EGR3: variants seen among roughly 807,000 people sequenced by gnomAD.
EGR3 encodes early growth response 3, also known as early growth response protein 3.
A neutral mutation model predicts 22.4 loss-of-function variants in EGR3; 4 were observed. The ratio of observed to expected loss-of-function variants is 0.18; its 90% confidence interval spans 0.09 to 0.41. The LOEUF is 0.41. Among genes scored for constraint, EGR3 ranks in the 10% least tolerant of loss-of-function variants. EGR3 has a pLI of 1.00. For missense variants in EGR3, 315 were observed against 541.3 expected, an observed-to-expected ratio of 0.58 and a Z score of 4.15; for synonymous variants, 219 against 226.8, an observed-to-expected ratio of 0.97 and a Z score of 0.31.
Position 22,692,055 on chromosome 8 carries a change from C to G in EGR3, c.155-573G>C, listed in dbSNP as rs1803986702. On this transcript the variant is annotated intron_variant, in intron 1 of 1. Coordinates refer to ENST00000317216, the MANE Select transcript of EGR3 (RefSeq NM_004430.3). The surrounding 1 kb of genome is among the most constrained non-coding windows in gnomAD (Gnocchi z 6.2). ...TCACCTACCCCGGCCCCAGCCTCCT[C>G]GGGCATGAAGGAGCTTTAGGCTCTT... 9 of 1,317,502 alleles carry G rather than the reference C, an allele frequency of 6.8e-6. No individual in the cohort carries two copies. Among genetic ancestry groups the G allele is most frequent in the African/African-American group, 1.5e-5 (1 of 64,940 alleles). 81.6% of individuals were successfully genotyped at this position (1,317,502 alleles called of 1,614,324 possible).
At position 22,693,143 on chromosome 8, in the gene EGR3, G is replaced by T. The variant is rs1398714399; in HGVS notation, c.-199C>A. 5 of 746,916 alleles carry T rather than the reference G, an allele frequency of 6.7e-6. No homozygotes were observed. In the East Asian group the frequency reaches 1.9e-4, roughly 28 times the overall value. 46.3% of individuals were successfully genotyped at this position (746,916 alleles called of 1,614,324 possible). A position where few individuals can be genotyped will look rare whatever the true frequency, so the allele number is the denominator to read the frequency against. On this transcript the variant is annotated 5_prime_UTR_variant, in exon 1 of 2. Transcript: ENST00000317216. Reference sequence around the variant, plus strand: ...GAGGGGATCTTCTCTTTTTTGGGGGGCGGGAGAGGGCCCCAGGGGGTAATC... The same window carrying T: ...GAGGGGATCTTCTCTTTTTTGGGGGTCGGGAGAGGGCCCCAGGGGGTAATC...
rs1803850633 is a variant in EGR3, at chr8:22,688,886, GAGA to G, written c.*1584_*1586del. 3 of 152,690 alleles carry G rather than the reference GAGA, an allele frequency of 2.0e-5. No homozygotes were observed. The highest frequency in any genetic ancestry group is 7.2e-5 in the African/African-American group (3 of 41,464). 9.5% of individuals were successfully genotyped at this position (152,690 alleles called of 1,614,324 possible). A position where few individuals can be genotyped will look rare whatever the true frequency, so the allele number is the denominator to read the frequency against. ...CTGAGAAGAGGTGAGGTAGGGTGGG[GAGA>G]AGGTGAGACTGGGTATGGAAAGGAG... On this transcript the variant is annotated 3_prime_UTR_variant, in exon 2 of 2. Coordinates refer to ENST00000317216, the MANE Select transcript of EGR3 (RefSeq NM_004430.3).
intron 1 of EGR3, chr8:22,691,873 G>C (rs1461894368): frequency 4.1e-6 from 4 of 985,230 alleles, no homozygotes; most frequent in Non-Finnish European, 4.8e-6. Flanking sequence ...CACACAACTC[G>C]GCCTCTTCCC....
Position 22,692,267 on chromosome 8 carries a change from TTGC to T in EGR3, c.154+521_154+523del. 2 of 1,507,202 alleles carry T rather than the reference TTGC, an allele frequency of 1.3e-6. No homozygotes were observed. The highest frequency in any genetic ancestry group is 1.8e-6 in the Non-Finnish European group (2 of 1,133,858). 93.4% of individuals were successfully genotyped at this position (1,507,202 alleles called of 1,614,324 possible). A position where few individuals can be genotyped will look rare whatever the true frequency, so the allele number is the denominator to read the frequency against. On this transcript the variant is annotated intron_variant, in intron 1 of 1. Transcript: ENST00000317216. This position sits in a 1 kb window ranked among gnomAD's most constrained non-coding sequence, Gnocchi z 6.2. ...CCGCCGTCCCCACACCCCCACGGCTTTGCTGAACGCCCCGGAAAGGCAGCGTCG... is the reference window on the plus strand; with the variant it reads ...CCGCCGTCCCCACACCCCCACGGCTTTGAACGCCCCGGAAAGGCAGCGTCG...
In EGR3 at chr8:22,692,664, TCCAC is replaced by T. The variant is rs1433734161; in HGVS notation, c.154+123_154+126del. Reference sequence around the variant, plus strand: ...CCCCATCTCTCCATCCATTTATCTATCCACCCATCCACCCATCCATCCATCCATC... The same window carrying T: ...CCCCATCTCTCCATCCATTTATCTATCCATCCACCCATCCATCCATCCATC... On this transcript the variant is annotated intron_variant, in intron 1 of 1. Coordinates refer to ENST00000317216, the MANE Select transcript of EGR3 (RefSeq NM_004430.3). The surrounding 1 kb of genome is among the most constrained non-coding windows in gnomAD (Gnocchi z 6.2). The T allele has an allele frequency of 1.6e-4, 227 of 1,431,372 alleles. 4 individuals are homozygous for T. In the South Asian group the frequency reaches 2.4e-3, roughly 15 times the overall value. 88.7% of individuals were successfully genotyped at this position (1,431,372 alleles called of 1,614,324 possible). A position where few individuals can be genotyped will look rare whatever the true frequency, so the allele number is the denominator to read the frequency against.
rs1269062858 is a variant in EGR3, at chr8:22,689,662, A to T, written c.*811T>A. On this transcript the variant is annotated 3_prime_UTR_variant, in exon 2 of 2. Coordinates refer to ENST00000317216, the MANE Select transcript of EGR3 (RefSeq NM_004430.3). ...AGATCAAACTGCCCTGAGGCCTAAG[A>T]GGGAAGCGCTCAGAAAAGGAGGGGT... 1 of 152,596 alleles carries T rather than the reference A, an allele frequency of 6.6e-6. No homozygotes were observed. Among genetic ancestry groups the T allele is most frequent in the Non-Finnish European group, 1.5e-5 (1 of 68,050 alleles). The allele number at this position is 152,596 out of a possible 1,614,324, so 9.5% of individuals were successfully genotyped here.
Position 22,690,445 on chromosome 8 carries a change from GA to G in EGR3, c.*27del, listed in dbSNP as rs2128744752. 2.5e-6 allele frequency: 4 copies of G among 1,570,096 alleles called. No homozygotes were observed. The highest frequency in any genetic ancestry group is 2.6e-6 in the Non-Finnish European group (3 of 1,155,942). Reference sequence around the variant, plus strand: ...CTAGCAGCCGGGAGGCACTGGAGGGGAAAAGTGGGGATCTGGGGGCCCGATC... The same window carrying G: ...CTAGCAGCCGGGAGGCACTGGAGGGGAAAGTGGGGATCTGGGGGCCCGATC... On this transcript the variant is annotated 3_prime_UTR_variant, in exon 2 of 2. Coordinates refer to ENST00000317216, the MANE Select transcript of EGR3 (RefSeq NM_004430.3).
intron 1 of EGR3, chr8:22,691,845 G>T (rs1803975724): frequency 1.0e-6 from 1 of 985,242 alleles, no homozygotes; most frequent in South Asian, 4.7e-5. Context: ...GAGCGCGCTG[G>T]GCTCTCGCTC....
In EGR3 at chr8:22,687,842, T is replaced by C. The variant is rs1319079590; in HGVS notation, c.*2631A>G. Reference sequence around the variant, plus strand: ...AAAAATGCTGTTTTCATTAACTATATTATATTGGCATTACAATATGACAAA... The same window carrying C: ...AAAAATGCTGTTTTCATTAACTATACTATATTGGCATTACAATATGACAAA... On this transcript the variant is annotated 3_prime_UTR_variant, in exon 2 of 2. Coordinates refer to ENST00000317216, the MANE Select transcript of EGR3 (RefSeq NM_004430.3). The surrounding 1 kb of genome is among the most constrained non-coding windows in gnomAD (Gnocchi z 4.7). 1 of 152,684 alleles carries C rather than the reference T, an allele frequency of 6.5e-6. No homozygotes were observed. Among genetic ancestry groups the C allele is most frequent in the Non-Finnish European group, 1.5e-5 (1 of 68,052 alleles). The allele number at this position is 152,684 out of a possible 1,614,324, so 9.5% of individuals were successfully genotyped here.
In EGR3 at chr8:22,690,416, C is replaced by T; in HGVS notation, c.*57G>A. On this transcript the variant is annotated 3_prime_UTR_variant, in exon 2 of 2. Transcript: ENST00000317216. ...CCGTGGCTGGCTTTCCCGCTGCTTT[C>T]AGGCTAGCAGCCGGGAGGCACTGGA... 1.4e-6 allele frequency: 2 copies of T among 1,441,154 alleles called. No individual in the cohort carries two copies. The highest frequency in any genetic ancestry group is 1.9e-6 in the Non-Finnish European group (2 of 1,063,664). The allele number at this position is 1,441,154 out of a possible 1,614,324, so 89.3% of individuals were successfully genotyped here.
At position 22,693,302 on chromosome 8, in the gene EGR3, C is replaced by T. The variant is rs1443215615; in HGVS notation, c.-358G>A. Reference sequence around the variant, plus strand: ...GGTCGGACGCGGCCTCAGTATTGATCTCACAAACAGACACGCGCCCGCCGC... The same window carrying T: ...GGTCGGACGCGGCCTCAGTATTGATTTCACAAACAGACACGCGCCCGCCGC... On this transcript the variant is annotated 5_prime_UTR_variant, in exon 1 of 2. Transcript: ENST00000317216. 1 of 150,760 alleles carries T rather than the reference C, an allele frequency of 6.6e-6. No homozygotes were observed. Among genetic ancestry groups the T allele is most frequent in the East Asian group, 2.0e-4 (1 of 4,966 alleles). 9.3% of individuals were successfully genotyped at this position (150,760 alleles called of 1,614,324 possible).
Position 22,690,358 on chromosome 8 carries a change from C to G in EGR3, c.*115G>C. 1.2e-6 allele frequency: 1 copy of G among 840,482 alleles called. No homozygotes were observed. Among genetic ancestry groups the G allele is most frequent in the Non-Finnish European group, 1.8e-6 (1 of 553,184 alleles). The allele number at this position is 840,482 out of a possible 1,614,324, so 52.1% of individuals were successfully genotyped here. Reference sequence around the variant, plus strand: ...GAAGGGGAAGCAAGGGGCCGCACGTCCATGGAGAGGCCAGGGCGCGGCCCC... The same window carrying G: ...GAAGGGGAAGCAAGGGGCCGCACGTGCATGGAGAGGCCAGGGCGCGGCCCC... On this transcript the variant is annotated 3_prime_UTR_variant, in exon 2 of 2. Coordinates refer to ENST00000317216, the MANE Select transcript of EGR3 (RefSeq NM_004430.3).
rs567487553 is a variant in EGR3, at chr8:22,692,763, T to C, written c.154+28A>G. 2 of 1,610,848 alleles carry C rather than the reference T, an allele frequency of 1.2e-6. No individual in the cohort carries two copies. Among genetic ancestry groups the C allele is most frequent in the South Asian group, 1.1e-5 (1 of 90,998 alleles). ...TCTTCCTCTCCCCTTCCTTCCTCGCTGCCTCGCCGCCTCCCCGCCGCCCTT... is the reference window on the plus strand; with the variant it reads ...TCTTCCTCTCCCCTTCCTTCCTCGCCGCCTCGCCGCCTCCCCGCCGCCCTT... On this transcript the variant is annotated intron_variant, in intron 1 of 1. Coordinates refer to ENST00000317216, the MANE Select transcript of EGR3 (RefSeq NM_004430.3). This position sits in a 1 kb window ranked among gnomAD's most constrained non-coding sequence, Gnocchi z 6.2.
chr8:22,689,499 G>A lies in EGR3; in HGVS notation c.*974C>T, dbSNP rs537392155. 6.5e-6 allele frequency: 1 copy of A among 152,764 alleles called. No individual in the cohort carries two copies. Among genetic ancestry groups the A allele is most frequent in the East Asian group, 1.9e-4 (1 of 5,190 alleles). 9.5% of individuals were successfully genotyped at this position (152,764 alleles called of 1,614,324 possible). A position where few individuals can be genotyped will look rare whatever the true frequency, so the allele number is the denominator to read the frequency against. On this transcript the variant is annotated 3_prime_UTR_variant, in exon 2 of 2. Coordinates refer to ENST00000317216, the MANE Select transcript of EGR3 (RefSeq NM_004430.3). ...GGAAAAGATTTTGAAAGAGATGGGA[G>A]AAGGTTTAGAGGGGAGAAGGGGAAG...
rs371366100 is a variant in EGR3, at chr8:22,691,404, G to A, written c.233C>T (p.Pro78Leu). The A allele has an allele frequency of 6.2e-7, 1 of 1,614,054 alleles. No homozygotes were observed. The highest frequency in any genetic ancestry group is 1.3e-5 in the African/African-American group (1 of 74,934). ...CAAGTAGGTCACGGTCTTGTTGCCG[G>A]GGGCTGGCTGGAAGGAGCCGGAGTA... ...LSYSGSFQPAPGNKTVTYLGK... is the reference protein window; with the variant it reads ...LSYSGSFQPALGNKTVTYLGK... The change falls in exon 2 of 2, where the codon CCC (proline) becomes CTC (leucine). Residue 78 changes from proline to leucine, a missense_variant. By Grantham distance (98) the Pro-to-Leu change is moderately conservative. This residue lies in a region of EGR3 where 227 missense variants were observed against 303.6 expected (regional missense o/e 0.75). Transcript: ENST00000317216.
At position 22,690,449 on chromosome 8, in the gene EGR3, A is replaced by C; in HGVS notation, c.*24T>G. ...CAGCCGGGAGGCACTGGAGGGGAAAAGTGGGGATCTGGGGGCCCGATCCTC... is the reference window on the plus strand; with the variant it reads ...CAGCCGGGAGGCACTGGAGGGGAAACGTGGGGATCTGGGGGCCCGATCCTC... On this transcript the variant is annotated 3_prime_UTR_variant, in exon 2 of 2. Transcript: ENST00000317216. 1 of 1,572,854 alleles carries C rather than the reference A, an allele frequency of 6.4e-7. No homozygotes were observed. Among genetic ancestry groups the C allele is most frequent in the Non-Finnish European group, 8.6e-7 (1 of 1,156,728 alleles).
chr8:22,691,701 T>G (rs1368244177), intron 1 of EGR3: 1 of 984,432 alleles, frequency 1.0e-6, no homozygotes, highest in African/African-American at 1.7e-5. Context: ...GTGGAGTGGC[T>G]GCTGCACACA....
In EGR3 at chr8:22,692,343, C is replaced by A. The variant is rs1804000493; in HGVS notation, c.154+448G>T. ...ACTCCACGCCGCACATGGCTCCATC[C>A]CGGGTGGGAGGCTGAGGGAGTAAGG... On this transcript the variant is annotated intron_variant, in intron 1 of 1. Transcript: ENST00000317216. This position sits in a 1 kb window ranked among gnomAD's most constrained non-coding sequence, Gnocchi z 6.2. 1 of 1,505,404 alleles carries A rather than the reference C, an allele frequency of 6.6e-7. No individual in the cohort carries two copies. Among genetic ancestry groups the A allele is most frequent in the Non-Finnish European group, 8.8e-7 (1 of 1,135,108 alleles). The allele number at this position is 1,505,404 out of a possible 1,614,324, so 93.3% of individuals were successfully genotyped here. A position where few individuals can be genotyped will look rare whatever the true frequency, so the allele number is the denominator to read the frequency against.
At position 22,693,155 on chromosome 8, in the gene EGR3, C is replaced by A; in HGVS notation, c.-211G>T. On this transcript the variant is annotated 5_prime_UTR_variant, in exon 1 of 2. Coordinates refer to ENST00000317216, the MANE Select transcript of EGR3 (RefSeq NM_004430.3). Reference sequence around the variant, plus strand: ...TCTTTTTTGGGGGGCGGGAGAGGGCCCCAGGGGGTAATCCTCTTGGGTGCC... The same window carrying A: ...TCTTTTTTGGGGGGCGGGAGAGGGCACCAGGGGGTAATCCTCTTGGGTGCC... 3 of 729,552 alleles carry A rather than the reference C, an allele frequency of 4.1e-6. No individual in the cohort carries two copies. In the South Asian group the frequency reaches 5.3e-5, roughly 13 times the overall value. The allele number at this position is 729,552 out of a possible 1,614,324, so 45.2% of individuals were successfully genotyped here.
Sources: gnomAD v4.1 joint callset for allele counts on GRCh38, gnomAD v4.1.1 for gene constraint, gnomAD v4.1.1 regional missense constraint, Gnocchi (gnomAD v3.1) non-coding constraint, MANE v1.5 for transcripts, NCBI Gene and HGNC (gene_info 2026-07-23, HGNC 2026-07-21) for gene names.